The following STAC variants were observed in gnomAD, a reference collection of about 807,000 sequenced individuals.
STAC encodes the protein SH3 and cysteine-rich domain-containing protein.
A neutral mutation model predicts 48.8 loss-of-function variants in STAC; 43 were observed. That is an observed-to-expected ratio of 0.88 (90% CI 0.69 to 1.14). STAC has a LOEUF of 1.14. Among genes scored for constraint, STAC ranks in the 50% most tolerant of loss-of-function variants. The pLI is 0.00. For synonymous variants in STAC, 193 were observed against 179.5 expected, an observed-to-expected ratio of 1.07 and a Z score of -0.60; for missense variants, 497 against 504.0, an observed-to-expected ratio of 0.99 and a Z score of 0.13.
intron 1 of STAC, among the ~76,000 whole-genome samples, chr3:36,403,474 T>G (rs1215710559): frequency 6.6e-6 from 1 of 151,834 alleles, no homozygotes; most frequent in East Asian, 1.9e-4. Flanking sequence ...AGTGGAAAAT[T>G]TTTTAATAGA....
intron 1 of STAC, among the ~76,000 whole-genome samples, chr3:36,398,672 G>GGAAAGAAA (rs1218701234): frequency 8.8e-6 from 1 of 113,422 alleles, no homozygotes; most frequent in African/African-American, 3.6e-5. Context: ...AAGGAAGGAA[G>GGAAAGAAA]GAAAGAAAGA....
chr3:36,452,210 C>T (rs1696704336), intron 2 of STAC, among the ~76,000 whole-genome samples: 1 of 152,210 alleles, frequency 6.6e-6, no homozygotes, highest in South Asian at 2.1e-4. Flanking sequence ...CTATACCCCA[C>T]ACATCATTTC....
intron 1 of STAC, among the ~76,000 whole-genome samples, chr3:36,423,336 T>C (rs1034600389): frequency 5.9e-5 from 9 of 151,818 alleles, no homozygotes; most frequent in Non-Finnish European, 1.2e-4. Flanking sequence ...TGGATTTTGG[T>C]GAAGAACTAC....
chr3:36,440,390 C>T (rs1170964110), intron 1 of STAC, among the ~76,000 whole-genome samples: 1 of 152,034 alleles, frequency 6.6e-6, no homozygotes. Flanking sequence ...GACAGTACTT[C>T]TGGTCCATCT....
chr3:36,461,615 A>C (rs1454747060), intron 2 of STAC, among the ~76,000 whole-genome samples: 3 of 152,198 alleles, frequency 2.0e-5, no homozygotes, highest in Non-Finnish European at 4.4e-5. Context: ...AAGAAGAGAA[A>C]GAAGTGCAGA....
intron 1 of STAC, among the ~76,000 whole-genome samples, chr3:36,424,821 G>T (rs1035599108): frequency 6.6e-6 from 1 of 152,078 alleles, no homozygotes; most frequent in African/African-American, 2.4e-5. Context: ...ATGAGGAATT[G>T]TAACCCATAG....
intron 1 of STAC, among the ~76,000 whole-genome samples, chr3:36,405,803 C>T (rs1219962160): frequency 2.6e-5 from 4 of 152,164 alleles, no homozygotes; most frequent in African/African-American, 4.8e-5. Context: ...GCACTGCAGC[C>T]TCCAAATGCC....
chr3:36,415,705 G>A (rs561002944), intron 1 of STAC, among the ~76,000 whole-genome samples: 9 of 152,262 alleles, frequency 5.9e-5, no homozygotes, highest in South Asian at 4.1e-4. Flanking sequence ...CTTCTGCGTC[G>A]CTCACGTTGG....
chr3:36,441,364 CTTATT>C (rs1022054865), intron 1 of STAC, among the ~76,000 whole-genome samples: 5 of 152,064 alleles, frequency 3.3e-5, no homozygotes, highest in African/African-American at 9.7e-5. Context: ...CTTTTCCTGG[CTTATT>C]TTATTTAACA....
At chr3:36,541,626 A>G (rs1699329380) in intron 10 of STAC, among the ~76,000 whole-genome samples, 1 of 152,342 alleles carries the variant, frequency 6.6e-6, no homozygotes, top group South Asian at 2.1e-4. Context: ...AAGGACCTCC[A>G]AGCCATTAAA....
At chr3:36,544,880 G>A (rs965736753) in intron 10 of STAC, among the ~76,000 whole-genome samples, 7 of 152,138 alleles carry the variant, frequency 4.6e-5, no homozygotes, top group Non-Finnish European at 1.0e-4. Flanking sequence ...TTCACTGTCT[G>A]AGCCTCTATC....
intron 8 of STAC, chr3:36,506,202 G>A (rs1368738509): frequency 3.0e-5 from 5 of 164,640 alleles, no homozygotes; most frequent in Non-Finnish European, 5.2e-5. Context: ...GGGCCTAATA[G>A]GGAATCAAAA....
At chr3:36,404,960 T>C (rs531463559) in intron 1 of STAC, among the ~76,000 whole-genome samples, 1 of 152,318 alleles carries the variant, frequency 6.6e-6, no homozygotes, top group Admixed American at 6.5e-5. Flanking sequence ...ATTGTAGTTT[T>C]TGTCATCACT....
intron 2 of STAC, among the ~76,000 whole-genome samples, chr3:36,451,663 T>G (rs1696687147): frequency 6.6e-6 from 1 of 152,204 alleles, no homozygotes; most frequent in South Asian, 2.1e-4. Flanking sequence ...GAGTTACATG[T>G]GTTATTTTGA....
chr3:36,428,796 G>C lies in STAC; in HGVS notation c.112-14568G>C, dbSNP rs77834567. On this transcript the variant is annotated intron_variant, in intron 1 of 10. Coordinates refer to ENST00000273183, the MANE Select transcript of STAC (RefSeq NM_003149.3). ...AAGGAGAATGGTAAGAATGATCAGA[G>C]GTCAGATCACGGAAAGGATATTAGA... Among the ~76,000 whole-genome samples the C allele has an allele frequency of 1.1e-3, 172 of 152,238 alleles. 3 individuals carry two copies. In the East Asian group the frequency reaches 0.026, roughly 23 times the overall value.
At chr3:36,425,987 G>T (rs1482281583) in intron 1 of STAC, among the ~76,000 whole-genome samples, 2 of 152,046 alleles carry the variant, frequency 1.3e-5, no homozygotes, top group African/African-American at 4.8e-5. Flanking sequence ...AGCTGAGATT[G>T]TACCACTGCA....
chr3:36,483,733 CTT>C (rs1697720525), intron 3 of STAC, among the ~76,000 whole-genome samples: 1 of 152,168 alleles, frequency 6.6e-6, no homozygotes. Context: ...GGGTTGATCC[CTT>C]AAGCCCAGGA....
intron 10 of STAC, among the ~76,000 whole-genome samples, chr3:36,541,890 C>T (rs1428507842): frequency 1.3e-5 from 2 of 152,282 alleles, no homozygotes; most frequent in African/African-American, 2.4e-5. Context: ...ACCACTGCTG[C>T]ATACATGATG....
chr3:36,534,309 A>G (rs1460202585), intron 10 of STAC, among the ~76,000 whole-genome samples: 1 of 152,168 alleles, frequency 6.6e-6, no homozygotes, highest in African/African-American at 2.4e-5. Context: ...GCCACCACAA[A>G]TGCATAGCAG....
Sources: gnomAD v4.1 joint callset for allele counts (sites outside exome capture counted in the v4.1 genomes callset) on GRCh38, gnomAD v4.1.1 for gene constraint, MANE v1.5 for transcripts, NCBI Gene and HGNC (gene_info 2026-07-23, HGNC 2026-07-21) for gene names.